TCF12: variants seen among roughly 807,000 people sequenced by gnomAD.
The protein encoded by TCF12 is transcription factor 12.
A neutral mutation model predicts 86.0 loss-of-function variants in TCF12; 45 were observed. That is an observed-to-expected ratio of 0.52 (90% CI 0.41 to 0.67). The LOEUF is 0.67. TCF12 is among the 30% of genes least tolerant of loss of function. TCF12 has a pLI of 0.00. For synonymous variants in TCF12, 330 were observed against 299.6 expected (o/e 1.10, Z -1.05); for missense variants, 881 against 859.9 (o/e 1.02, Z -0.31).
intron 5 of TCF12, among the ~76,000 whole-genome samples, chr15:57,122,265 C>T (rs1316607390): frequency 4.6e-5 from 7 of 151,598 alleles, no homozygotes; most frequent in African/African-American, 1.7e-4. Flanking sequence ...AAGTCCCCTT[C>T]ATCAGAGCTT....
chr15:57,165,655 G>C (rs112404695), intron 5 of TCF12, among the ~76,000 whole-genome samples: 1 of 151,880 alleles, frequency 6.6e-6, no homozygotes, highest in Non-Finnish European at 1.5e-5. Flanking sequence ...TCCTGCCTCA[G>C]CCTCCTGAGT....
chr15:57,021,009 A>G (rs1192110825), intron 3 of TCF12, among the ~76,000 whole-genome samples: 1 of 152,158 alleles, frequency 6.6e-6, no homozygotes, highest in Non-Finnish European at 1.5e-5. Flanking sequence ...ATGTTATACT[A>G]ATTTCATGTT....
chr15:57,188,445 C>CT (rs1383225169), intron 6 of TCF12, among the ~76,000 whole-genome samples: 27 of 151,808 alleles, frequency 1.8e-4, no homozygotes, highest in South Asian at 1.0e-3. Flanking sequence ...CTTCCAATGG[C>CT]TTTTTTTTGC....
intron 3 of TCF12, among the ~76,000 whole-genome samples, chr15:56,950,825 C>T (rs1001135912): frequency 7.6e-6 from 1 of 130,814 alleles, no homozygotes; most frequent in Admixed American, 9.4e-5. Context: ...GGCGTGATCT[C>T]GGCTTACCAC....
chr15:57,021,730 C>T (rs577226578), intron 3 of TCF12, among the ~76,000 whole-genome samples: 24 of 140,042 alleles, frequency 1.7e-4, no homozygotes, highest in African/African-American at 6.4e-4. Context: ...CTGTATGGGT[C>T]CATTTATACT....
At chr15:56,991,633 T>C (rs1004412988) in intron 3 of TCF12, among the ~76,000 whole-genome samples, 2 of 152,124 alleles carry the variant, frequency 1.3e-5, no homozygotes, top group Non-Finnish European at 2.9e-5. Context: ...ATGAAGATGG[T>C]CTAAAGATTT....
At chr15:56,993,408 G>A (rs1312317247) in intron 3 of TCF12, among the ~76,000 whole-genome samples, 1 of 151,962 alleles carries the variant, frequency 6.6e-6, no homozygotes, top group African/African-American at 2.4e-5. Flanking sequence ...TCATCTCTTT[G>A]TTCTTCCATT....
intron 13 of TCF12, among the ~76,000 whole-genome samples, chr15:57,250,270 C>T (rs960229892): frequency 1.3e-5 from 2 of 152,120 alleles, no homozygotes; most frequent in Admixed American, 6.6e-5. Flanking sequence ...TTTGTCCTTA[C>T]GTTAATATAT....
At chr15:57,238,316 T>A (rs1230002528) in intron 12 of TCF12, among the ~76,000 whole-genome samples, 1 of 152,174 alleles carries the variant, frequency 6.6e-6, no homozygotes, top group African/African-American at 2.4e-5. Context: ...CTTCCTTCCT[T>A]GATATAAAGG....
rs1244304206 is a variant in TCF12, at chr15:57,075,804, TTC to T, written c.222+12011_222+12012del. ...TTTCTTTCTTTCTTTCTTTCTTTCT[TTC>T]TCTCTCTCTCTCTCTCTCTCTCTCT... On this transcript the variant is annotated intron_variant, in intron 4 of 20. Coordinates refer to ENST00000333725, the MANE Select transcript of TCF12 (RefSeq NM_207037.2). Among the ~76,000 whole-genome samples the T allele has an allele frequency of 9.8e-4, 28 of 28,602 alleles. 1 individual carries two copies. The highest frequency in any genetic ancestry group is 3.7e-3 in the African/African-American group (26 of 7,112). The allele number at this position is 28,602 out of a possible 152,430, so 18.8% of individuals were successfully genotyped here.
chr15:57,024,748 A>T (rs1300193956), intron 3 of TCF12, among the ~76,000 whole-genome samples: 4 of 152,198 alleles, frequency 2.6e-5, no homozygotes, highest in Admixed American at 1.3e-4. Flanking sequence ...GAATAGTGCC[A>T]ATCAGTAATA....
rs963853104 is a variant in TCF12 at position 57,231,674 on chromosome 15, G to A, written c.685+417G>A. 3.3e-5 allele frequency among the ~76,000 whole-genome samples: 5 copies of A among 152,066 alleles called. No individual in the cohort carries two copies. In the South Asian group the frequency reaches 1.0e-3, roughly 31 times the overall value. ...GACTTGTTAAGAGAGAAAAAGTGTT[G>A]CATTTCCTTTAATTCATGTCTAGCA... On this transcript the variant is annotated intron_variant, in intron 9 of 20. Transcript: ENST00000333725.
intron 3 of TCF12, among the ~76,000 whole-genome samples, chr15:56,971,724 T>C (rs1231058744): frequency 2.0e-5 from 3 of 152,244 alleles, no homozygotes; most frequent in Admixed American, 2.0e-4. Flanking sequence ...GAATTGTTTC[T>C]GGAATTTTCC....
At chr15:57,238,769 G>C (rs1229260082) in intron 12 of TCF12, among the ~76,000 whole-genome samples, 1 of 152,180 alleles carries the variant, frequency 6.6e-6, no homozygotes, top group Non-Finnish European at 1.5e-5. Context: ...ATGTTGACCA[G>C]TATAAGTTTC....
intron 3 of TCF12, among the ~76,000 whole-genome samples, chr15:57,050,911 G>C (rs767200574): frequency 3.9e-5 from 6 of 151,944 alleles, no homozygotes; most frequent in Non-Finnish European, 5.9e-5. Context: ...CATTTTGACT[G>C]TCTTTTTCTT....
intron 3 of TCF12, among the ~76,000 whole-genome samples, chr15:57,016,518 T>G (rs2065160766): frequency 6.6e-6 from 1 of 152,166 alleles, no homozygotes; most frequent in African/African-American, 2.4e-5. Flanking sequence ...AGTTCCTGTT[T>G]GTAGTAGCCT....
chr15:57,184,910 GTTATAT>G lies in TCF12; in HGVS notation c.391-7240_391-7235del, dbSNP rs377407441. Reference sequence around the variant, plus strand: ...TAAATAAAATACATATATGCCTATTGTTATATTTATATTGATCATTTTCTCCCTTTT... The same window carrying G: ...TAAATAAAATACATATATGCCTATTGTTATATTGATCATTTTCTCCCTTTT... On this transcript the variant is annotated intron_variant, in intron 6 of 20. Coordinates refer to ENST00000333725, the MANE Select transcript of TCF12 (RefSeq NM_207037.2). 1.1e-3 allele frequency among the ~76,000 whole-genome samples: 162 copies of G among 152,090 alleles called. 2 individuals carry two copies. The highest frequency in any genetic ancestry group is 3.7e-3 in the African/African-American group (152 of 41,494).
chr15:56,951,627 A>G (rs2061280806), intron 3 of TCF12, among the ~76,000 whole-genome samples: 1 of 152,070 alleles, frequency 6.6e-6, no homozygotes, highest in African/African-American at 2.4e-5. Context: ...TTAATTGGTC[A>G]CAAATGTTTT....
intron 5 of TCF12, among the ~76,000 whole-genome samples, chr15:57,121,684 T>C (rs1878847732): frequency 6.6e-6 from 1 of 152,210 alleles, no homozygotes; most frequent in South Asian, 2.1e-4. Context: ...CCATATCAGA[T>C]GCCAGTCCTG....
Sources: gnomAD v4.1 joint callset for allele counts (sites outside exome capture counted in the v4.1 genomes callset) on GRCh38, gnomAD v4.1.1 for gene constraint, MANE v1.5 for transcripts, NCBI Gene and HGNC (gene_info 2026-07-23, HGNC 2026-07-21) for gene names.